Variants in ASAP2 observed in about 807,000 individuals in gnomAD.
ASAP2 encodes arf-GAP with SH3 domain, ANK repeat and PH domain-containing protein 2.
Under a neutral mutation model 131.4 loss-of-function variants are expected in ASAP2, and 45 were observed. The observed-to-expected ratio is 0.34, with a 90% CI of 0.27 to 0.44. ASAP2 has a LOEUF of 0.44. ASAP2 is among the 20% of genes least tolerant of loss of function. The pLI is 1.00. For missense variants in ASAP2, 1,011 were observed against 1,297.0 expected (o/e 0.78, Z 3.39); for synonymous variants, 510 against 503.0 (o/e 1.01, Z -0.19).
At chr2:9,280,649 G>C (rs905605119) in intron 2 of ASAP2, among the ~76,000 whole-genome samples, 3 of 152,174 alleles carry the variant, frequency 2.0e-5, no homozygotes, top group Non-Finnish European at 4.4e-5. Flanking sequence ...TTAGTGTCAG[G>C]CCTCCCCAAA....
chr2:9,400,771 C>T lies in ASAP2; in HGVS notation c.2764C>T (p.Pro922Ser). Reference sequence around the variant, plus strand: ...TCTCTCTGCAACGGAAGCTCTGGGTCCTCTGTCCAATGCTATGGTCCTGCA... The same window carrying T: ...TCTCTCTGCAACGGAAGCTCTGGGTTCTCTGTCCAATGCTATGGTCCTGCA... ...VDLSATEALG[P>S]LSNAMVLQPP... The change falls in exon 26 of 28, where the codon CCT becomes TCT. Residue 922 changes from proline to serine, a missense_variant. By Grantham distance (74) the Pro-to-Ser change is moderately conservative. This residue lies in a region of ASAP2 where 652 missense variants were observed against 698.9 expected (regional missense o/e 0.93). Transcript: ENST00000281419. 3 of 1,613,782 alleles carry T rather than the reference C, an allele frequency of 1.9e-6. No homozygotes were observed. The highest frequency in any genetic ancestry group is 2.5e-6 in the Non-Finnish European group (3 of 1,179,976).
At chr2:9,365,301 T>C (rs1229254032) in intron 15 of ASAP2, among the ~76,000 whole-genome samples, 2 of 152,116 alleles carry the variant, frequency 1.3e-5, no homozygotes, top group African/African-American at 2.4e-5. Flanking sequence ...CCTCCACCCT[T>C]CGGGGATCCA....
In ASAP2 at chr2:9,297,328, C is replaced by A; in HGVS notation, c.228C>A (p.Thr76=). 1 of 1,614,066 alleles carries A rather than the reference C, an allele frequency of 6.2e-7. No homozygotes were observed. The highest frequency in any genetic ancestry group is 8.5e-7 in the Non-Finnish European group (1 of 1,180,002). The stretch of plus-strand genomic sequence containing the variant: ...ACGTGGAAAATGAAGAGCAGTACAC[C>A]CAGGCTCTGGAGAAGTTTGGCGGCA... The part of the protein sequence containing the change: ...LAHVENEEQY[T]QALEKFGGNC... The change falls in exon 3 of 28, where the codon ACC becomes ACA. Residue 76 remains threonine (T), a synonymous_variant. Coordinates refer to ENST00000281419, the MANE Select transcript of ASAP2 (RefSeq NM_003887.3).
chr2:9,262,462 A>G (rs978222465), intron 1 of ASAP2, among the ~76,000 whole-genome samples: 1 of 152,156 alleles, frequency 6.6e-6, no homozygotes, highest in Admixed American at 6.5e-5. Context: ...TGAGGCAGGT[A>G]TTGTTATTCC....
chr2:9,343,418 A>G (rs771018314), intron 9 of ASAP2, among the ~76,000 whole-genome samples: 1 of 151,390 alleles, frequency 6.6e-6, no homozygotes, highest in Non-Finnish European at 1.5e-5. Context: ...CCTACTCTCA[A>G]CTCAGAGTGT....
At chr2:9,315,019 C>T (rs1250517654) in intron 3 of ASAP2, among the ~76,000 whole-genome samples, 1 of 151,378 alleles carries the variant, frequency 6.6e-6, no homozygotes, top group Admixed American at 6.6e-5. Context: ...GAGAAGGTGG[C>T]GTTTGAGTAA....
chr2:9,226,387 G>T (rs1000260201), intron 1 of ASAP2, among the ~76,000 whole-genome samples: 1 of 152,186 alleles, frequency 6.6e-6, no homozygotes, highest in East Asian at 1.9e-4. Flanking sequence ...ACCTCCCTGA[G>T]GCCATGCAGA....
chr2:9,248,501 A>G (rs1664490086), intron 1 of ASAP2, among the ~76,000 whole-genome samples: 1 of 151,698 alleles, frequency 6.6e-6, no homozygotes, highest in Non-Finnish European at 1.5e-5. Context: ...CCTCTTGTTT[A>G]TTCTGCCACC....
intron 23 of ASAP2, among the ~76,000 whole-genome samples, chr2:9,391,916 T>C (rs985501718): frequency 2.6e-5 from 4 of 151,776 alleles, no homozygotes; most frequent in Non-Finnish European, 5.9e-5. Context: ...GGTCTCTCTT[T>C]GTCCCCCAGG....
At chr2:9,329,431 C>T (rs187090217) in intron 7 of ASAP2, among the ~76,000 whole-genome samples, 6 of 152,186 alleles carry the variant, frequency 3.9e-5, no homozygotes, top group African/African-American at 1.4e-4. Context: ...ACCCTGGGGT[C>T]TCATGGGGGA....
chr2:9,395,594 CTTTTTTTTTTTTT>C lies in ASAP2; in HGVS notation c.2684+1966_2684+1978del. Among the ~76,000 whole-genome samples, 21 of 59,054 alleles carry C rather than the reference CTTTTTTTTTTTTT, an allele frequency of 3.6e-4. 1 individual carries two copies. In the South Asian group the frequency reaches 3.6e-3, roughly 10 times the overall value. 38.7% of individuals were successfully genotyped at this position (59,054 alleles called of 152,430 possible). On this transcript the variant is annotated intron_variant, in intron 24 of 27. Coordinates refer to ENST00000281419, the MANE Select transcript of ASAP2 (RefSeq NM_003887.3). ...GTTTTGTTTTTCTTGTGTTTTTTTT[CTTTTTTTTTTTTT>C]TTTTTTTTTTTTTTTTTTGAGATGG...
At chr2:9,301,860 G>A (rs1017770742) in intron 3 of ASAP2, among the ~76,000 whole-genome samples, 5 of 121,044 alleles carry the variant, frequency 4.1e-5, no homozygotes, top group African/African-American at 1.3e-4. Context: ...GTCTCGTTCT[G>A]TTGTCCAGGC....
At chr2:9,234,567 G>C (rs1260963889) in intron 1 of ASAP2, among the ~76,000 whole-genome samples, 1 of 152,186 alleles carries the variant, frequency 6.6e-6, no homozygotes, top group African/African-American at 2.4e-5. Flanking sequence ...GGGACAGATG[G>C]GACATCTGGG....
chr2:9,387,131 G>A (rs978710975), intron 21 of ASAP2, among the ~76,000 whole-genome samples: 41 of 151,152 alleles, frequency 2.7e-4, no homozygotes, highest in South Asian at 8.4e-4. Context: ...GGAGAATGGC[G>A]TAAACCCGGG....
At chr2:9,345,546 C>A (rs1472830686) in intron 11 of ASAP2, among the ~76,000 whole-genome samples, 1 of 152,128 alleles carries the variant, frequency 6.6e-6, no homozygotes, top group Admixed American at 6.5e-5. Context: ...TGGTGATAAC[C>A]ACATGGGCTG....
intron 3 of ASAP2, among the ~76,000 whole-genome samples, chr2:9,304,917 T>C (rs186838813): frequency 4.5e-4 from 65 of 142,970 alleles, no homozygotes; most frequent in African/African-American, 1.7e-3. Context: ...TAGATGTTAG[T>C]GGAGAGGCTG....
At chr2:9,233,752 T>C (rs963277673) in intron 1 of ASAP2, among the ~76,000 whole-genome samples, 1 of 152,194 alleles carries the variant, frequency 6.6e-6, no homozygotes, top group Admixed American at 6.5e-5. Flanking sequence ...TTAACACATG[T>C]TAAATGGATT....
In ASAP2 at chr2:9,335,676, C is replaced by T. The variant is rs11693008; in HGVS notation, c.849+497C>T. ...TCATGACAGGCAGAAATCCTTAGTTCTCTTACTTCCCCTCTTTCTGTAATG... is the reference window on the plus strand; with the variant it reads ...TCATGACAGGCAGAAATCCTTAGTTTTCTTACTTCCCCTCTTTCTGTAATG... On this transcript the variant is annotated intron_variant, in intron 9 of 27. Transcript: ENST00000281419. Among the ~76,000 whole-genome samples the T allele has an allele frequency of 6.7e-3, 1,025 of 152,290 alleles. 15 individuals carry two copies. The highest frequency in any genetic ancestry group is 0.023 in the African/African-American group (974 of 41,546).
intron 1 of ASAP2, among the ~76,000 whole-genome samples, chr2:9,243,284 A>G (rs1331250908): frequency 6.6e-6 from 1 of 151,952 alleles, no homozygotes; most frequent in African/African-American, 2.4e-5. Context: ...AATTTTTTGT[A>G]TTTTTAGTAG....
Sources: gnomAD v4.1 joint callset for allele counts (sites outside exome capture counted in the v4.1 genomes callset) on GRCh38, gnomAD v4.1.1 for gene constraint, gnomAD v4.1.1 regional missense constraint, MANE v1.5 for transcripts, NCBI Gene and HGNC (gene_info 2026-07-23, HGNC 2026-07-21) for gene names.